The following B3GALT1 variants were observed in gnomAD, a reference collection of about 807,000 sequenced individuals.
B3GALT1 encodes UDP-Gal:betaGlcNAc beta 1,3-galactosyltransferase, polypeptide 1.
In B3GALT1, 10 loss-of-function variants were observed where a neutral mutation model predicts 23.2. That is an observed-to-expected ratio of 0.43 (90% CI 0.27 to 0.73). The LOEUF (loss-of-function observed/expected upper bound fraction) is 0.73. B3GALT1 is among the 30% of genes least tolerant of loss of function. The probability of loss-of-function intolerance (pLI) is 0.21; values close to 1 mark genes in which losing one functional copy is unlikely to be tolerated. For missense variants in B3GALT1, 299 were observed against 405.4 expected (o/e 0.74, Z 2.25); for synonymous variants, 156 against 141.5 (o/e 1.10, Z -0.73).
At chr2:167,623,457 A>G (rs1160181639) in intron 2 of B3GALT1, among the ~76,000 whole-genome samples, 1 of 152,174 alleles carries the variant, frequency 6.6e-6, no homozygotes, top group African/African-American at 2.4e-5. Context: ...TTGCAGGGAC[A>G]TGGATGAAGC....
intron 1 of B3GALT1, among the ~76,000 whole-genome samples, chr2:167,451,638 G>T (rs1253956028): frequency 3.9e-5 from 6 of 152,158 alleles, no homozygotes; most frequent in Non-Finnish European, 5.9e-5. Flanking sequence ...CCTTAGTTTT[G>T]GTTGTTTAAT....
At chr2:167,622,913 G>A (rs1241492584) in intron 2 of B3GALT1, among the ~76,000 whole-genome samples, 1 of 151,972 alleles carries the variant, frequency 6.6e-6, no homozygotes, top group African/African-American at 2.4e-5. Flanking sequence ...ACTATGGAGT[G>A]TGAACTGTAA....
chr2:167,871,120 G>T lies in B3GALT1; in HGVS notation c.*1100G>T, dbSNP rs2054369. 21,388 of 152,140 alleles carry T rather than the reference G, an allele frequency of 0.14. 1,975 individuals are homozygous for T. Among genetic ancestry groups the T allele is most frequent in the East Asian group, 0.34 (1,737 of 5,150 alleles). 9.4% of individuals were successfully genotyped at this position (152,140 alleles called of 1,614,324 possible). On this transcript the variant is annotated 3_prime_UTR_variant, in exon 5 of 5. Transcript: ENST00000392690. ...TGTTATGAGGTATTCTGGGGGCTCT[G>T]TGATTGAGGAAGGATGGGGAAGGCC... is the stretch of plus-strand genomic sequence containing the variant.
At chr2:167,408,015 G>GACACAC (rs56318085) in intron 1 of B3GALT1, among the ~76,000 whole-genome samples, 15 of 129,738 alleles carry the variant, frequency 1.2e-4, no homozygotes, top group African/African-American at 3.7e-4. Flanking sequence ...AGCAGGCAAA[G>GACACAC]ACACACACAC....
intron 1 of B3GALT1, among the ~76,000 whole-genome samples, chr2:167,349,669 A>G (rs191625498): frequency 1.2e-4 from 19 of 152,304 alleles, no homozygotes; most frequent in Non-Finnish European, 1.8e-4. Flanking sequence ...CTAAAATGGA[A>G]AAGACATTAA....
At chr2:167,639,719 G>A (rs528109701) in intron 2 of B3GALT1, among the ~76,000 whole-genome samples, 1 of 151,196 alleles carries the variant, frequency 6.6e-6, no homozygotes, top group African/African-American at 2.4e-5. Context: ...TTTTTCTTTT[G>A]GTCTATCTGT....
At position 167,869,492 on chromosome 2, in the gene B3GALT1, C is replaced by T; in HGVS notation, c.453C>T (p.Asn151=). The change falls in exon 5 of 5, where the codon AAC becomes AAT. Residue 151 remains asparagine (N), a synonymous_variant. Coordinates refer to ENST00000392690, the MANE Select transcript of B3GALT1 (RefSeq NM_020981.4). The surrounding 1 kb of genome is among the most constrained non-coding windows in gnomAD (Gnocchi z 6.4). The stretch of plus-strand genomic sequence containing the variant: ...AGGACTTTATTGACTCCTACCATAA[C>T]CTTACCCTCAAAACATTAATGGGGA... The part of the protein sequence containing the change: ...IVEDFIDSYH[N]LTLKTLMGMR... 1 of 1,614,042 alleles carries T rather than the reference C, an allele frequency of 6.2e-7. No homozygotes were observed. Among genetic ancestry groups the T allele is most frequent in the Non-Finnish European group, 8.5e-7 (1 of 1,180,022 alleles).
intron 1 of B3GALT1, among the ~76,000 whole-genome samples, chr2:167,446,131 T>A (rs933562998): frequency 6.6e-6 from 1 of 152,190 alleles, no homozygotes; most frequent in Admixed American, 6.5e-5. Context: ...GAAACTTAGT[T>A]TGGCTGGATA....
chr2:167,766,646 C>T (rs1469762241), intron 3 of B3GALT1, among the ~76,000 whole-genome samples: 2 of 152,154 alleles, frequency 1.3e-5, no homozygotes, highest in African/African-American at 4.8e-5. Flanking sequence ...GGAGCCAAAT[C>T]ATGACTATAA....
At chr2:167,496,140 C>T (rs1699780004) in intron 2 of B3GALT1, among the ~76,000 whole-genome samples, 1 of 152,060 alleles carries the variant, frequency 6.6e-6, no homozygotes, top group Admixed American at 6.6e-5. Flanking sequence ...CCTAAACTGA[C>T]AGTAAATTAT....
intron 1 of B3GALT1, among the ~76,000 whole-genome samples, chr2:167,357,097 G>A (rs889664468): frequency 9.9e-5 from 15 of 151,852 alleles, no homozygotes; most frequent in Non-Finnish European, 1.2e-4. Context: ...TACTTTTCTA[G>A]TGCTTTCTAG....
chr2:167,340,085 C>T (rs893764596), intron 1 of B3GALT1, among the ~76,000 whole-genome samples: 8 of 152,142 alleles, frequency 5.3e-5, no homozygotes, highest in Non-Finnish European at 8.8e-5. Context: ...GAGTGCATTT[C>T]TTGCATGTAT....
In B3GALT1 at chr2:167,788,288, G is replaced by A. The variant is rs375066968; in HGVS notation, c.-351-30384G>A. On this transcript the variant is annotated intron_variant, in intron 3 of 4. Coordinates refer to ENST00000392690, the MANE Select transcript of B3GALT1 (RefSeq NM_020981.4). ...TCCGGAAGTGGGTGGGGGCGGGGGGGTGTTTTCGAGATGATTCAAGCACAT... is the reference window on the plus strand; with the variant it reads ...TCCGGAAGTGGGTGGGGGCGGGGGGATGTTTTCGAGATGATTCAAGCACAT... Among the ~76,000 whole-genome samples the A allele has an allele frequency of 3.1e-4, 46 of 150,136 alleles. No homozygotes were observed. The South Asian group carries it at 9.3e-3, about 30-fold the overall frequency.
chr2:167,429,142 A>T (rs1005354827), intron 1 of B3GALT1, among the ~76,000 whole-genome samples: 2 of 151,970 alleles, frequency 1.3e-5, no homozygotes, highest in Non-Finnish European at 2.9e-5. Context: ...TTAGCCGGGC[A>T]TGGTGGCGGG....
intron 3 of B3GALT1, among the ~76,000 whole-genome samples, chr2:167,671,108 C>G (rs529946512): frequency 6.6e-6 from 1 of 152,180 alleles, no homozygotes; most frequent in South Asian, 2.1e-4. Flanking sequence ...CATATAATGA[C>G]AAAGGATGTA....
intron 2 of B3GALT1, among the ~76,000 whole-genome samples, chr2:167,521,991 T>TAA (rs1265375636): frequency 7.3e-6 from 1 of 136,324 alleles, no homozygotes; most frequent in African/African-American, 3.0e-5. Context: ...TGTGTATATA[T>TAA]ATATATATAT....
intron 4 of B3GALT1, among the ~76,000 whole-genome samples, chr2:167,854,521 T>C (rs1689963175): frequency 6.6e-6 from 1 of 152,188 alleles, no homozygotes; most frequent in African/African-American, 2.4e-5. Flanking sequence ...TCATAGCTGC[T>C]TCAGTAGAAC....
At chr2:167,570,643 C>A (rs766040984) in intron 2 of B3GALT1, among the ~76,000 whole-genome samples, 7 of 151,826 alleles carry the variant, frequency 4.6e-5, no homozygotes, top group Admixed American at 2.6e-4. Context: ...CCAGTTAAGT[C>A]AAAAAATAAA....
intron 2 of B3GALT1, among the ~76,000 whole-genome samples, chr2:167,642,892 G>GTGAA (rs1685679892): frequency 6.6e-6 from 1 of 152,016 alleles, no homozygotes; most frequent in Admixed American, 6.6e-5. Context: ...AAATTTATAA[G>GTGAA]TGAATGAATC....
Sources: allele counts gnomAD v4.1 joint callset (sites outside exome capture counted in the v4.1 genomes callset), GRCh38; gene constraint gnomAD v4.1.1; non-coding constraint Gnocchi (gnomAD v3.1); transcripts MANE v1.5; gene names NCBI Gene and HGNC (gene_info 2026-07-23, HGNC 2026-07-21).